Variants in TTC21B observed in about 807,000 individuals in gnomAD.
The protein encoded by TTC21B is tetratricopeptide repeat domain 21B, also known as tetratricopeptide repeat protein 21B.
A neutral mutation model predicts 175.1 loss-of-function variants in TTC21B; 127 were observed. The ratio of observed to expected loss-of-function variants is 0.73; its 90% CI spans 0.63 to 0.84. TTC21B has a LOEUF of 0.84. TTC21B is among the 40% of genes least tolerant of loss of function. The probability of loss-of-function intolerance (pLI) is 0.00; values close to 1 mark genes in which losing one functional copy is unlikely to be tolerated. For synonymous variants in TTC21B, 524 were observed against 524.5 expected (o/e 1.00, Z 0.01); for missense variants, 1,561 against 1,558.3 (o/e 1.00, Z -0.03).
intron 18 of TTC21B, among the ~76,000 whole-genome samples, chr2:165,909,855 AG>A (rs1685870123): frequency 6.6e-6 from 1 of 152,236 alleles, no homozygotes; most frequent in East Asian, 1.9e-4. Flanking sequence ...ATTTCTAACA[AG>A]GAAAGAAGTT....
chr2:165,942,201 A>G (rs1361091759), intron 5 of TTC21B, among the ~76,000 whole-genome samples: 4 of 152,208 alleles, frequency 2.6e-5, no homozygotes, highest in African/African-American at 7.2e-5. Context: ...ATGTGGAGAC[A>G]TTAACAAAAG....
In TTC21B at chr2:165,927,270, TTATATATATATATATCCTAGTAGTTA is replaced by T. The variant is rs1559064790; in HGVS notation, c.1386+1839_1386+1864del. Among the ~76,000 whole-genome samples the T allele has an allele frequency of 6.6e-4, 32 of 48,204 alleles. 3 individuals carry two copies. Among genetic ancestry groups the T allele is most frequent in the South Asian group, 1.3e-3 (2 of 1,494 alleles). 31.6% of individuals were successfully genotyped at this position (48,204 alleles called of 152,430 possible). ...GTTATATATATATATATCCTAGTAGTTATATATATATATATCCTAGTAGTTATATATATATATTATATATTATATAA... is the reference window on the plus strand; with the variant it reads ...GTTATATATATATATATCCTAGTAGTTATATATATATTATATATTATATAA... On this transcript the variant is annotated intron_variant, in intron 11 of 28. Transcript: ENST00000243344.
At chr2:165,909,385 G>C (rs1375974853) in intron 18 of TTC21B, among the ~76,000 whole-genome samples, 1 of 151,962 alleles carries the variant, frequency 6.6e-6, no homozygotes, top group African/African-American at 2.4e-5. Flanking sequence ...ATGAAAAGCA[G>C]ATATATGATC....
At chr2:165,883,177 T>C (rs1277465467) in intron 26 of TTC21B, among the ~76,000 whole-genome samples, 1 of 151,840 alleles carries the variant, frequency 6.6e-6, no homozygotes, top group Non-Finnish European at 1.5e-5. Flanking sequence ...TGTGCAATTA[T>C]TTCTCAACAA....
chr2:165,906,317 A>G (rs1386012139), intron 19 of TTC21B, among the ~76,000 whole-genome samples: 1 of 150,998 alleles, frequency 6.6e-6, no homozygotes, highest in East Asian at 1.9e-4. Flanking sequence ...AGAAGAAATT[A>G]ATTATGAGGT....
chr2:165,891,780 A>G (rs962347446), intron 22 of TTC21B, among the ~76,000 whole-genome samples: 1 of 116,492 alleles, frequency 8.6e-6, no homozygotes, highest in African/African-American at 3.2e-5. Flanking sequence ...AATAAGGAAA[A>G]TATATATAAA....
intron 6 of TTC21B, 53 bp downstream of exon 6, chr2:165,940,974 C>T: frequency 6.2e-7 from 1 of 1,602,270 alleles, no homozygotes; most frequent in African/African-American, 1.3e-5. Flanking sequence ...GTCGCTTTTT[C>T]TCAAAATTAT....
chr2:165,905,674 A>C (rs1209974152), intron 19 of TTC21B, among the ~76,000 whole-genome samples: 1 of 152,156 alleles, frequency 6.6e-6, no homozygotes, highest in Non-Finnish European at 1.5e-5. Context: ...ACTAAATGGA[A>C]AAAAAAGAAA....
At chr2:165,941,535 T>C (rs958791079) in intron 5 of TTC21B, among the ~76,000 whole-genome samples, 1 of 152,100 alleles carries the variant, frequency 6.6e-6, no homozygotes, top group African/African-American at 2.4e-5. Context: ...GCATCTAAAA[T>C]TTTAAGAAAT....
intron 1 of TTC21B, among the ~76,000 whole-genome samples, chr2:165,952,307 A>G (rs756677202): frequency 6.6e-6 from 1 of 152,270 alleles, no homozygotes; most frequent in African/African-American, 2.4e-5. Context: ...GTTCATAAAT[A>G]AAGTTTTATT....
intron 13 of TTC21B, 67 bp from the exon 14 acceptor site, chr2:165,917,548 A>C: frequency 1.6e-6 from 2 of 1,260,134 alleles, no homozygotes; most frequent in South Asian, 2.4e-5. Context: ...ACAATCCATC[A>C]AACATTAAAA....
rs1447493028 is a variant in TTC21B at position 165,927,284 on chromosome 2, A to C, written c.1386+1851T>G. ...TATCCTAGTAGTTATATATATATAT[A>C]TCCTAGTAGTTATATATATATATTA... On this transcript the variant is annotated intron_variant, in intron 11 of 28. Coordinates refer to ENST00000243344, the MANE Select transcript of TTC21B (RefSeq NM_024753.5). Among the ~76,000 whole-genome samples, 22 of 51,822 alleles carry C rather than the reference A, an allele frequency of 4.2e-4. 1 individual carries two copies. Among genetic ancestry groups the C allele is most frequent in the African/African-American group, 1.9e-3 (20 of 10,324 alleles). The allele number at this position is 51,822 out of a possible 152,430, so 34.0% of individuals were successfully genotyped here. A position where few individuals can be genotyped will look rare whatever the true frequency, so the allele number is the denominator to read the frequency against.
intron 25 of TTC21B, among the ~76,000 whole-genome samples, chr2:165,886,786 T>G (rs890034835): frequency 6.6e-6 from 1 of 152,190 alleles, no homozygotes; most frequent in Non-Finnish European, 1.5e-5. Context: ...TGAGATAGAA[T>G]AGCACATCAC....
At chr2:165,942,025 G>A (rs1407557277) in intron 5 of TTC21B, among the ~76,000 whole-genome samples, 1 of 152,148 alleles carries the variant, frequency 6.6e-6, no homozygotes, top group Non-Finnish European at 1.5e-5. Context: ...AAGAGATGAT[G>A]AGGCAAATTT....
At chr2:165,939,985 T>C (rs1294781949) in intron 6 of TTC21B, among the ~76,000 whole-genome samples, 2 of 152,198 alleles carry the variant, frequency 1.3e-5, no homozygotes, top group Non-Finnish European at 2.9e-5. Flanking sequence ...AGTACCTTCC[T>C]CTTAGGGTTA....
At chr2:165,885,180 T>C (rs571677301) in intron 25 of TTC21B, among the ~76,000 whole-genome samples, 5 of 151,934 alleles carry the variant, frequency 3.3e-5, no homozygotes, top group Non-Finnish European at 7.4e-5. Context: ...GGGTAAGAAA[T>C]TGTGACTGAG....
intron 4 of TTC21B, 34 bp from the exon 5 acceptor site, chr2:165,943,375 A>G: frequency 1.3e-6 from 2 of 1,503,978 alleles, no homozygotes; most frequent in South Asian, 1.2e-5. Context: ...TTACTTTTTT[A>G]GAAATGAGAG....
intron 25 of TTC21B, 45 bp downstream of exon 25, chr2:165,888,234 C>G: frequency 7.2e-7 from 1 of 1,383,046 alleles, no homozygotes; most frequent in Admixed American, 1.7e-5. Flanking sequence ...TTCTATACTA[C>G]CAAATAAAGA....
At chr2:165,912,129 C>T (rs879829081) in intron 17 of TTC21B, among the ~76,000 whole-genome samples, 2 of 151,812 alleles carry the variant, frequency 1.3e-5, no homozygotes, top group Non-Finnish European at 2.9e-5. Context: ...TATAACAGTT[C>T]AAGAAAAATC....
Sources: gnomAD v4.1 joint callset for allele counts (sites outside exome capture counted in the v4.1 genomes callset) on GRCh38, gnomAD v4.1.1 for gene constraint, MANE v1.5 for transcripts, NCBI Gene and HGNC (gene_info 2026-07-23, HGNC 2026-07-21) for gene names.